The following MFF variants were observed in gnomAD, a reference collection of about 807,000 sequenced individuals.
MFF encodes the protein mitochondrial fission factor, also known as chromosome 2 open reading frame 33.
A neutral mutation model predicts 36.9 loss-of-function variants in MFF; 12 were observed. The observed-to-expected ratio is 0.33, with a 90% CI of 0.21 to 0.53. The LOEUF is 0.53. Among genes scored for constraint, MFF ranks in the 20% least tolerant of loss-of-function variants. The probability of loss-of-function intolerance (pLI) is 0.95; values close to 1 mark genes in which losing one functional copy is unlikely to be tolerated. For synonymous variants in MFF, 99 were observed against 126.2 expected (o/e 0.78, Z 1.44); for missense variants, 348 against 366.6 (o/e 0.95, Z 0.42).
At chr2:227,348,892 A>G (rs565722251) in intron 6 of MFF, among the ~76,000 whole-genome samples, 212 of 152,228 alleles carry the variant, frequency 1.4e-3, no homozygotes, top group African/African-American at 4.9e-3. Context: ...AGATCTTTCA[A>G]ACGATATTGC....
chr2:227,353,916 A>G (rs1461708861), intron 7 of MFF, among the ~76,000 whole-genome samples: 4 of 152,146 alleles, frequency 2.6e-5, no homozygotes, highest in Non-Finnish European at 5.9e-5. Flanking sequence ...GTGGCCTCAG[A>G]GAAAGAGAAG....
At chr2:227,341,901 C>T (rs569683002) in intron 5 of MFF, among the ~76,000 whole-genome samples, 1 of 151,746 alleles carries the variant, frequency 6.6e-6, no homozygotes, top group Non-Finnish European at 1.5e-5. Flanking sequence ...ATTTTTTCTC[C>T]CGAAGTATAT....
Position 227,330,902 on chromosome 2 carries a change from A to G in MFF, c.181+56A>G, listed in dbSNP as rs2074526357. ...TTAAATCTTTGTTTTATATGTTTCTATGAAAACTTTTGAGTTTTTCTAAAT... is the reference window on the plus strand; with the variant it reads ...TTAAATCTTTGTTTTATATGTTTCTGTGAAAACTTTTGAGTTTTTCTAAAT... On this transcript the variant is annotated intron_variant, in intron 3 of 8. Coordinates refer to ENST00000304593, the MANE Select transcript of MFF (RefSeq NM_001277062.2). 42 of 1,442,030 alleles carry G rather than the reference A, an allele frequency of 2.9e-5. No homozygotes were observed. In the South Asian group the frequency reaches 4.8e-4, roughly 17 times the overall value. The allele number at this position is 1,442,030 out of a possible 1,614,324, so 89.3% of individuals were successfully genotyped here.
chr2:227,353,136 T>G (rs888864456), intron 7 of MFF, among the ~76,000 whole-genome samples: 24 of 152,316 alleles, frequency 1.6e-4, no homozygotes, highest in African/African-American at 5.8e-4. Flanking sequence ...TTTTTGCCCT[T>G]TTTACACTTT....
intron 4 of MFF, among the ~76,000 whole-genome samples, chr2:227,338,658 C>A (rs575235516): frequency 6.6e-6 from 1 of 151,194 alleles, no homozygotes; most frequent in Non-Finnish European, 1.5e-5. Flanking sequence ...GGTGAAACAC[C>A]GTCTCCACTG....
intron 6 of MFF, among the ~76,000 whole-genome samples, chr2:227,349,128 A>AT (rs1187852236): frequency 6.6e-6 from 1 of 152,182 alleles, no homozygotes; most frequent in Non-Finnish European, 1.5e-5. Flanking sequence ...AAAAGTAATA[A>AT]TAGCTAGATG....
At chr2:227,350,415 C>T (rs1251799725) in intron 6 of MFF, among the ~76,000 whole-genome samples, 2 of 152,088 alleles carry the variant, frequency 1.3e-5, no homozygotes, top group Non-Finnish European at 2.9e-5. Flanking sequence ...ATAGATGAGT[C>T]ATGCTTAGCT....
intron 3 of MFF, among the ~76,000 whole-genome samples, chr2:227,331,893 A>G (rs968359919): frequency 6.7e-6 from 1 of 149,990 alleles, no homozygotes; most frequent in South Asian, 2.1e-4. Flanking sequence ...TATATTGTAC[A>G]TTGCATAATT....
In MFF at chr2:227,333,010, G is replaced by A. The variant is rs867860108; in HGVS notation, c.351+422G>A. ...CTACTTGATTAAAAGTTTCTACTGA[G>A]CTACTCTACTGCATCACGTTAATGT... is the stretch of plus-strand genomic sequence containing the variant. On this transcript the variant is annotated intron_variant, in intron 4 of 8. Coordinates refer to ENST00000304593, the MANE Select transcript of MFF (RefSeq NM_001277062.2). 2.0e-5 allele frequency among the ~76,000 whole-genome samples: 3 copies of A among 152,336 alleles called. No individual in the cohort carries two copies. The East Asian group carries it at 5.8e-4, about 29-fold the overall frequency.
Position 227,344,424 on chromosome 2 carries a change from C to T in MFF, c.441-2802C>T, listed in dbSNP as rs577625862. On this transcript the variant is annotated intron_variant, in intron 5 of 8. Coordinates refer to ENST00000304593, the MANE Select transcript of MFF (RefSeq NM_001277062.2). ...AACCTTGGTTGGGTCCATGAGTGGA[C>T]GGAGATGAAAGCGCTGTTTCCCTCC... is the stretch of plus-strand genomic sequence containing the variant. 2.0e-4 allele frequency among the ~76,000 whole-genome samples: 30 copies of T among 152,250 alleles called. 1 individual carries two copies. Among genetic ancestry groups the T allele is most frequent in the African/African-American group, 6.5e-4 (27 of 41,550 alleles).
At chr2:227,332,361 T>C in intron 3 of MFF, 58 bp from the exon 4 acceptor site, 3 of 1,312,200 alleles carry the variant, frequency 2.3e-6, no homozygotes, top group Non-Finnish European at 3.2e-6. Context: ...AAAATCACTG[T>C]CTTTTTAAAA....
chr2:227,338,754 C>A (rs1281464981), intron 4 of MFF, among the ~76,000 whole-genome samples: 1 of 151,156 alleles, frequency 6.6e-6, no homozygotes, highest in Non-Finnish European at 1.5e-5. Context: ...TGCTTGAACC[C>A]GGGAGGCAGA....
intron 4 of MFF, among the ~76,000 whole-genome samples, chr2:227,334,528 T>C (rs1411235006): frequency 6.6e-6 from 1 of 152,136 alleles, no homozygotes; most frequent in African/African-American, 2.4e-5. Context: ...GATGATTCAT[T>C]CAGGTGTTAA....
In MFF at chr2:227,355,609, G is replaced by A. The variant is rs563770044; in HGVS notation, c.660-68G>A. 2.3e-5 allele frequency: 20 copies of A among 852,434 alleles called. No homozygotes were observed. The East Asian group carries it at 4.2e-4, about 18-fold the overall frequency. 52.8% of individuals were successfully genotyped at this position (852,434 alleles called of 1,614,324 possible). A position where few individuals can be genotyped will look rare whatever the true frequency, so the allele number is the denominator to read the frequency against. ...CTACTTTGAGCATTACACAAAGCAT[G>A]ATGTGGCGTGCCATTTACTCTGAGT... On this transcript the variant is annotated intron_variant, in intron 7 of 8. Transcript: ENST00000304593.
intron 4 of MFF, among the ~76,000 whole-genome samples, chr2:227,337,192 C>G (rs997386653): frequency 5.9e-5 from 9 of 152,184 alleles, no homozygotes; most frequent in African/African-American, 2.2e-4. Flanking sequence ...GTTTTATGGC[C>G]CTCTTAGCAC....
rs373093427 is a variant in MFF, at chr2:227,338,369, C to CAA, written c.352-1910_352-1909dup. Among the ~76,000 whole-genome samples, 97 of 114,890 alleles carry CAA rather than the reference C, an allele frequency of 8.4e-4. 2 individuals carry two copies. Among genetic ancestry groups the CAA allele is most frequent in the African/African-American group, 2.2e-3 (68 of 30,606 alleles). The allele number at this position is 114,890 out of a possible 152,430, so 75.4% of individuals were successfully genotyped here. On this transcript the variant is annotated intron_variant, in intron 4 of 8. Coordinates refer to ENST00000304593, the MANE Select transcript of MFF (RefSeq NM_001277062.2). ...GGGGGAACAGAGTGACACTCTGTCTCAAAAAAAAAAAAAAGAAAAGAAAAA... is the reference window on the plus strand; with the variant it reads ...GGGGGAACAGAGTGACACTCTGTCTCAAAAAAAAAAAAAAAAGAAAAGAAAAA...
chr2:227,339,287 A>T (rs1295658923), intron 4 of MFF, among the ~76,000 whole-genome samples: 4 of 152,178 alleles, frequency 2.6e-5, no homozygotes, highest in Admixed American at 1.3e-4. Context: ...GTAACAAATC[A>T]TCTTAAACTT....
At chr2:227,330,494 T>A (rs1409791452) in intron 2 of MFF, 132 bp from the exon 3 acceptor site, 1 of 593,602 alleles carries the variant, frequency 1.7e-6, no homozygotes, top group East Asian at 2.9e-5. Flanking sequence ...ATTTTTGCTT[T>A]GTATGTGTTC....
chr2:227,357,038 G>A lies in MFF; in HGVS notation c.797G>A (p.Arg266His), dbSNP rs919820297. The stretch of plus-strand genomic sequence containing the variant: ...CTTCTGGAAGAGGAGAACAAAGAAC[G>A]TGCTAAAAGAGAAATGGTCATGTAT... Reference protein sequence around the residue: ...LQLLEEENKERAKREMVMYSI... With the variant: ...LQLLEEENKEHAKREMVMYSI... Residue 266 changes from arginine to histidine, a missense_variant, in exon 9 of 9, where the codon CGT (arginine) becomes CAT (histidine). Coordinates refer to ENST00000304593, the MANE Select transcript of MFF (RefSeq NM_001277062.2). 6.2e-6 allele frequency: 10 copies of A among 1,613,034 alleles called. No individual in the cohort carries two copies. The highest frequency in any genetic ancestry group is 6.8e-6 in the Non-Finnish European group (8 of 1,179,790).
Sources: gnomAD v4.1 joint callset for allele counts (sites outside exome capture counted in the v4.1 genomes callset) on GRCh38, gnomAD v4.1.1 for gene constraint, MANE v1.5 for transcripts, NCBI Gene and HGNC (gene_info 2026-07-23, HGNC 2026-07-21) for gene names.